Variants in NRXN3 observed in about 807,000 individuals in gnomAD.
The protein encoded by NRXN3 is neurexin 3.
A neutral mutation model predicts 137.6 loss-of-function variants in NRXN3; 32 were observed. The observed-to-expected ratio is 0.23, with a 90% CI of 0.18 to 0.31. The LOEUF (loss-of-function observed/expected upper bound fraction) is 0.31, where lower values mean the gene tolerates loss of function less well. NRXN3 is among the 10% of genes least tolerant of loss of function. The pLI, the probability that NRXN3 is intolerant of heterozygous loss-of-function variation, is 1.00. For synonymous variants in NRXN3, 798 were observed against 784.5 expected (o/e 1.02, Z -0.29); for missense variants, 1,574 against 2,062.5 (o/e 0.76, Z 4.59).
chr14:78,490,171 C>T (rs931126697), intron 4 of NRXN3, among the ~76,000 whole-genome samples: 3 of 114,148 alleles, frequency 2.6e-5, no homozygotes, highest in Non-Finnish European at 5.6e-5. Context: ...CCTCGGCCTC[C>T]GAAAGTGCTG....
intron 15 of NRXN3, among the ~76,000 whole-genome samples, chr14:79,111,591 T>C (rs1356745632): frequency 6.6e-6 from 1 of 151,890 alleles, no homozygotes. Context: ...ATACAAAAAT[T>C]AGCCAGGCGT....
At chr14:78,291,332 A>C (rs1482050029) in intron 3 of NRXN3, among the ~76,000 whole-genome samples, 1 of 152,190 alleles carries the variant, frequency 6.6e-6, no homozygotes, top group East Asian at 1.9e-4. Flanking sequence ...TAATGAGATA[A>C]CACATAGCCA....
chr14:79,239,465 G>A (rs2073939073), intron 15 of NRXN3, among the ~76,000 whole-genome samples: 1 of 151,928 alleles, frequency 6.6e-6, no homozygotes, highest in Non-Finnish European at 1.5e-5. Flanking sequence ...AAAGGAGAAG[G>A]AAACAAAAGG....
intron 15 of NRXN3, among the ~76,000 whole-genome samples, chr14:79,189,603 A>G (rs1332132463): frequency 6.6e-6 from 1 of 152,076 alleles, no homozygotes; most frequent in Non-Finnish European, 1.5e-5. Flanking sequence ...GTTCTGCCCA[A>G]CACAAAGTTC....
chr14:79,527,871 CA>C (rs33938281), intron 16 of NRXN3, among the ~76,000 whole-genome samples: 1,316 of 118,104 alleles, frequency 0.011, 15 homozygotes, highest in Middle Eastern at 0.03. Context: ...ACTCCTTCGC[CA>C]AAAAAAAAAA....
At chr14:78,700,214 G>A (rs2098265949) in intron 6 of NRXN3, among the ~76,000 whole-genome samples, 1 of 152,074 alleles carries the variant, frequency 6.6e-6, no homozygotes, top group Non-Finnish European at 1.5e-5. Context: ...CATTTACATG[G>A]GATTTTGTTT....
chr14:79,061,775 C>G (rs1241408074), intron 15 of NRXN3, among the ~76,000 whole-genome samples: 3 of 152,164 alleles, frequency 2.0e-5, no homozygotes, highest in Non-Finnish European at 4.4e-5. Context: ...CCAACTCACA[C>G]CCTCACCATT....
intron 4 of NRXN3, among the ~76,000 whole-genome samples, chr14:78,556,775 C>A (rs2096740519): frequency 6.6e-6 from 1 of 152,014 alleles, no homozygotes; most frequent in Admixed American, 6.6e-5. Context: ...TTTTTGTAGA[C>A]CATCAAGAAA....
chr14:79,259,082 C>T (rs1006015757), intron 15 of NRXN3, among the ~76,000 whole-genome samples: 11 of 151,936 alleles, frequency 7.2e-5, no homozygotes, highest in Non-Finnish European at 1.0e-4. Flanking sequence ...GGTTGAGACA[C>T]TTGCAAAAAA....
intron 19 of NRXN3, among the ~76,000 whole-genome samples, chr14:79,771,396 C>A (rs188889445): frequency 0.027 from 3,937 of 147,226 alleles, 154 homozygotes; most frequent in African/African-American, 0.092. Context: ...GGCAAACCGA[C>A]TCCAGCAGCA....
At chr14:78,884,538 T>C (rs1008051312) in intron 10 of NRXN3, among the ~76,000 whole-genome samples, 1 of 152,192 alleles carries the variant, frequency 6.6e-6, no homozygotes, top group African/African-American at 2.4e-5. Context: ...TTTCTAGATA[T>C]GATAAGACTA....
chr14:78,549,421 C>A (rs1165477754), intron 4 of NRXN3, among the ~76,000 whole-genome samples: 1 of 152,180 alleles, frequency 6.6e-6, no homozygotes, highest in Non-Finnish European at 1.5e-5. Flanking sequence ...CTCCAAGAAG[C>A]CTTTCTCGAG....
intron 10 of NRXN3, among the ~76,000 whole-genome samples, chr14:78,845,497 C>A (rs1240698397): frequency 1.3e-5 from 2 of 151,876 alleles, no homozygotes; most frequent in Non-Finnish European, 2.9e-5. Flanking sequence ...TTGTTTAATT[C>A]TCTCTTTTTT....
intron 16 of NRXN3, among the ~76,000 whole-genome samples, chr14:79,524,876 A>G (rs1280638109): frequency 1.3e-5 from 2 of 152,170 alleles, no homozygotes; most frequent in East Asian, 3.8e-4. Flanking sequence ...AAAGGGTATG[A>G]TCTAATGGTA....
At chr14:78,980,243 C>T (rs1598173485) in intron 14 of NRXN3, among the ~76,000 whole-genome samples, 1 of 152,230 alleles carries the variant, frequency 6.6e-6, no homozygotes, top group Non-Finnish European at 1.5e-5. Flanking sequence ...ATTGAGAAGA[C>T]AAACTTGATA....
chr14:79,544,572 G>GATTCTGGA (rs1301279066), intron 16 of NRXN3, among the ~76,000 whole-genome samples: 2 of 152,154 alleles, frequency 1.3e-5, no homozygotes, highest in Admixed American at 6.5e-5. Flanking sequence ...TGCATTTTCA[G>GATTCTGGA]ATTCTGGAAT....
chr14:79,563,444 A>T (rs2097520771), intron 16 of NRXN3, among the ~76,000 whole-genome samples: 1 of 152,116 alleles, frequency 6.6e-6, no homozygotes, highest in South Asian at 2.1e-4. Context: ...TAAGGGGCTT[A>T]TGGGAATAAT....
intron 11 of NRXN3, among the ~76,000 whole-genome samples, chr14:78,961,936 A>T (rs939198818): frequency 8.5e-5 from 13 of 152,270 alleles, no homozygotes; most frequent in African/African-American, 3.1e-4. Flanking sequence ...GCAAGGCAAC[A>T]ATGCTGCTTT....
intron 4 of NRXN3, among the ~76,000 whole-genome samples, chr14:78,313,480 A>C (rs145642729): frequency 0.014 from 1,994 of 146,300 alleles, 26 homozygotes; most frequent in South Asian, 0.019. Flanking sequence ...TCTTTAAATA[A>C]AGGTTTTTTT....
Sources: allele counts gnomAD v4.1 joint callset (sites outside exome capture counted in the v4.1 genomes callset), GRCh38; gene constraint gnomAD v4.1.1; transcripts MANE v1.5; gene names NCBI Gene and HGNC (gene_info 2026-07-23, HGNC 2026-07-21).